The following SEMA4A variants were observed in gnomAD, a reference collection of about 807,000 sequenced individuals.
SEMA4A encodes semaphorin-4A.
Under a neutral mutation model 72.5 loss-of-function variants are expected in SEMA4A, and 52 were observed. The observed-to-expected ratio is 0.72, with a 90% CI of 0.57 to 0.90. The LOEUF is 0.90. Among genes scored for constraint, SEMA4A ranks in the 40% least tolerant of loss-of-function variants. The pLI is 0.00. For synonymous variants in SEMA4A, 369 were observed against 393.1 expected (o/e 0.94, Z 0.73); for missense variants, 926 against 959.7 (o/e 0.96, Z 0.46).
intron 7 of SEMA4A, 108 bp downstream of exon 7, chr1:156,160,667 A>C: frequency 1.8e-6 from 2 of 1,087,714 alleles, no homozygotes; most frequent in South Asian, 2.6e-5. Flanking sequence ...TGTTAGGCGC[A>C]GGGGGTATAT....
intron 6 of SEMA4A, 68 bp from the exon 7 acceptor site, chr1:156,160,375 G>T (rs1275566868): frequency 9.2e-6 from 11 of 1,196,852 alleles, no homozygotes; most frequent in Non-Finnish European, 1.4e-5. Flanking sequence ...CCAGTCAGAG[G>T]CAGGTCTGTG....
At chr1:156,158,876 C>G in intron 6 of SEMA4A, 52 bp downstream of exon 6, 4 of 1,446,252 alleles carry the variant, frequency 2.8e-6, no homozygotes, top group Non-Finnish European at 3.9e-6. Context: ...TCCAGTCACG[C>G]TGTGAAATAT....
At chr1:156,166,702 G>A (rs1412401218) in intron 10 of SEMA4A, among the ~76,000 whole-genome samples, 1 of 151,952 alleles carries the variant, frequency 6.6e-6, no homozygotes, top group Admixed American at 6.6e-5. Context: ...GCTGAGACAG[G>A]TGGATCACCT....
chr1:156,175,429 C>G (rs1158845553), intron 13 of SEMA4A, 127 bp from the exon 14 acceptor site: 5 of 1,095,320 alleles, frequency 4.6e-6, no homozygotes, highest in Non-Finnish European at 2.8e-6. Flanking sequence ...GGCCATTCCG[C>G]GTTCCTCTCT....
chr1:156,158,301 C>T, intron 4 of SEMA4A, 87 bp from the exon 5 acceptor site: 1 of 1,286,224 alleles, frequency 7.8e-7, no homozygotes. Flanking sequence ...CATTACCTAG[C>T]CTTTCTCCTC....
rs142383013 is a variant in SEMA4A, at chr1:156,175,315, C to G, written c.1592+72C>G. 7.5e-3 allele frequency: 11,371 copies of G among 1,509,430 alleles called. 74 individuals carry two copies. The highest frequency in any genetic ancestry group is 9.3e-3 in the Non-Finnish European group (10,240 of 1,104,070). 93.5% of individuals were successfully genotyped at this position (1,509,430 alleles called of 1,614,324 possible). ...TTCTCAGCCAGCTTCTGCTACTGTT[C>G]TTCCTCTCTCCAGGGGCTACTGACA... On this transcript the variant is annotated intron_variant, in intron 13 of 14. Coordinates refer to ENST00000368285, the MANE Select transcript of SEMA4A (RefSeq NM_022367.4).
chr1:156,172,689 GA>G, intron 10 of SEMA4A, 136 bp from the exon 11 acceptor site: 1 of 828,348 alleles, frequency 1.2e-6, no homozygotes, highest in South Asian at 1.4e-5. Context: ...GGCAGCTCCA[GA>G]GTCGGAGCTT....
At position 156,174,953 on chromosome 1, in the gene SEMA4A, C is replaced by G; in HGVS notation, c.1434+13C>G. 1 of 1,614,244 alleles carries G rather than the reference C, an allele frequency of 6.2e-7. No individual in the cohort carries two copies. The highest frequency in any genetic ancestry group is 8.5e-7 in the Non-Finnish European group (1 of 1,180,036). On this transcript the variant is annotated intron_variant, in intron 12 of 14. Coordinates refer to ENST00000368285, the MANE Select transcript of SEMA4A (RefSeq NM_022367.4). Reference sequence around the variant, plus strand: ...GGCCCCCACCCAGGTGGGAAGGGACCTGACCATCAAATGGCCTTCCAGTGG... The same window carrying G: ...GGCCCCCACCCAGGTGGGAAGGGACGTGACCATCAAATGGCCTTCCAGTGG...
chr1:156,154,364 G>C lies in SEMA4A; in HGVS notation c.-29-186G>C, dbSNP rs1048038095. ...GGGGACAGTGAGGTGACAGGCTGAG[G>C]CCTGGAAGGATGATGAAAGTGAGAC... On this transcript the variant is annotated intron_variant, in intron 1 of 14. Transcript: ENST00000368285. The C allele has an allele frequency of 6.6e-6, 4 of 609,240 alleles. No homozygotes were observed. In the Admixed American group the frequency reaches 1.1e-4, roughly 17 times the overall value. 37.7% of individuals were successfully genotyped at this position (609,240 alleles called of 1,614,324 possible). A position where few individuals can be genotyped will look rare whatever the true frequency, so the allele number is the denominator to read the frequency against.
chr1:156,156,857 C>T (rs150766089), intron 3 of SEMA4A, among the ~76,000 whole-genome samples: 1 of 151,658 alleles, frequency 6.6e-6, no homozygotes. Flanking sequence ...AATTCTCCTG[C>T]CTCAGCCTCC....
At chr1:156,175,716 G>T in intron 14 of SEMA4A, 60 bp downstream of exon 14, 1 of 1,224,834 alleles carries the variant, frequency 8.2e-7, no homozygotes, top group South Asian at 1.3e-5. Context: ...TTTGGGCAGG[G>T]GTGGGCATTC....
chr1:156,156,525 T>C lies in SEMA4A; in HGVS notation c.251T>C (p.Ile84Thr). ...NTLYVGAREA[I>T]LALDIQDPGV... is the part of the protein sequence containing the mutation. ...CTCTACGTGGGGGCTCGAGAAGCCA[T>C]TCTGGCCTTGGATATCCAGGATCCA... Residue 84 changes from isoleucine (I) to threonine (T), a missense_variant, in exon 3 of 15, where the codon ATT becomes ACT. Coordinates refer to ENST00000368285, the MANE Select transcript of SEMA4A (RefSeq NM_022367.4). The C allele has an allele frequency of 6.2e-7, 1 of 1,614,064 alleles. No homozygotes were observed. The highest frequency in any genetic ancestry group is 8.5e-7 in the Non-Finnish European group (1 of 1,180,000).
chr1:156,176,566 G>A lies in SEMA4A; in HGVS notation c.1855G>A (p.Gly619Arg), dbSNP rs148511746. ...CTTGCTGATAGTGCAGGATGGAGTT[G>A]GGGGTCTCTACCAGTGCTGGGCAAC... Reference protein sequence around the residue: ...SLLLIVQDGVGGLYQCWATEN... With the variant: ...SLLLIVQDGVRGLYQCWATEN... Residue 619 changes from glycine to arginine, a missense_variant, in exon 15 of 15, where the codon GGG becomes AGG. Coordinates refer to ENST00000368285, the MANE Select transcript of SEMA4A (RefSeq NM_022367.4). The A allele has an allele frequency of 6.2e-7, 1 of 1,614,058 alleles. No individual in the cohort carries two copies. The highest frequency in any genetic ancestry group is 8.5e-7 in the Non-Finnish European group (1 of 1,180,042).
Position 156,177,065 on chromosome 1 carries a change from C to A in SEMA4A, c.*68C>A. 2.2e-6 allele frequency: 3 copies of A among 1,376,590 alleles called. No homozygotes were observed. Among genetic ancestry groups the A allele is most frequent in the Non-Finnish European group, 3.1e-6 (3 of 981,492 alleles). The allele number at this position is 1,376,590 out of a possible 1,614,324, so 85.3% of individuals were successfully genotyped here. ...TGCTGGCTGGGCGGCCCAAGCACAGCCCTGACTAGGATGACAGCAGCACAA... is the reference window on the plus strand; with the variant it reads ...TGCTGGCTGGGCGGCCCAAGCACAGACCTGACTAGGATGACAGCAGCACAA... On this transcript the variant is annotated 3_prime_UTR_variant, in exon 15 of 15. Coordinates refer to ENST00000368285, the MANE Select transcript of SEMA4A (RefSeq NM_022367.4).
At chr1:156,169,453 T>C (rs1484021468) in intron 10 of SEMA4A, among the ~76,000 whole-genome samples, 2 of 135,114 alleles carry the variant, frequency 1.5e-5, no homozygotes, top group Non-Finnish European at 3.1e-5. Context: ...TCTTGCTCGC[T>C]CAGTTGCCCA....
chr1:156,167,475 C>CAAAA (rs58793729), intron 10 of SEMA4A, among the ~76,000 whole-genome samples: 27 of 103,264 alleles, frequency 2.6e-4, no homozygotes, highest in Non-Finnish European at 3.7e-4. Flanking sequence ...GACCCTGTCT[C>CAAAA]AAAAAAAAAA....
chr1:156,149,344 G>C (rs1488295508), upstream of SEMA4A, among the ~76,000 whole-genome samples: 1 of 152,170 alleles, frequency 6.6e-6, no homozygotes, highest in Non-Finnish European at 1.5e-5. Flanking sequence ...TCTGAAGTCT[G>C]CTCTCTACAG....
rs1655385733 is a variant in SEMA4A, at chr1:156,176,809, A to G, written c.2098A>G (p.Ile700Val). Residue 700 changes from isoleucine to valine, a missense_variant, in exon 15 of 15, where the codon ATC becomes GTC. Transcript: ENST00000368285. ...LFALVLSGAL[I>V]ILVASPLRAL... is the part of the protein sequence containing the mutation. ...TGCCTTAGTGCTTTCAGGAGCCCTC[A>G]TCATCCTCGTGGCCTCCCCATTGAG... The G allele has an allele frequency of 6.2e-7, 1 of 1,613,930 alleles. No homozygotes were observed. The highest frequency in any genetic ancestry group is 1.3e-5 in the African/African-American group (1 of 74,932).
intron 14 of SEMA4A, 93 bp from the exon 15 acceptor site, chr1:156,176,309 AAAG>A: frequency 1.0e-6 from 1 of 997,892 alleles, no homozygotes; most frequent in Admixed American, 2.5e-5. Flanking sequence ...AAAAAAAAAA[AAAG>A]AGGGCTGGGG....
Sources: gnomAD v4.1 joint callset for allele counts (sites outside exome capture counted in the v4.1 genomes callset) on GRCh38, gnomAD v4.1.1 for gene constraint, MANE v1.5 for transcripts, NCBI Gene and HGNC (gene_info 2026-07-23, HGNC 2026-07-21) for gene names.